The following CNTNAP3B variants were observed in gnomAD, a reference collection of about 807,000 sequenced individuals.
The protein encoded by CNTNAP3B is contactin associated protein family member 3B.
CNTNAP3B carries 25 observed loss-of-function variants against 108.9 expected under a neutral mutation model. That is an observed-to-expected ratio of 0.23 (90% CI 0.17 to 0.32). The LOEUF (loss-of-function observed/expected upper bound fraction) is 0.32, where lower values mean the gene tolerates loss of function less well. Among genes scored for constraint, CNTNAP3B ranks in the 10% least tolerant of loss-of-function variants. The pLI, the probability that CNTNAP3B is intolerant of heterozygous loss-of-function variation, is 1.00. For missense variants in CNTNAP3B, 252 were observed against 1,210.4 expected (o/e 0.21, Z 11.75); for synonymous variants, 103 against 473.4 (o/e 0.22, Z 10.16).
At chr9:41,980,632 T>A (rs1269906905) in intron 9 of CNTNAP3B, 1 of 146,286 alleles carries the variant, frequency 6.8e-6, no homozygotes, top group African/African-American at 2.6e-5. Context: ...CATTCCTTCA[T>A]GAAATGTTGT....
intron 3 of CNTNAP3B, among the ~76,000 whole-genome samples, chr9:42,021,988 A>G (rs1826318253): frequency 8.6e-6 from 1 of 116,034 alleles, no homozygotes; most frequent in East Asian, 2.9e-4. Flanking sequence ...CGTGAGAGAC[A>G]TCTAGTTTAT....
chr9:42,088,824 T>C (rs1827758865), intron 2 of CNTNAP3B, among the ~76,000 whole-genome samples: 1 of 139,534 alleles, frequency 7.2e-6, no homozygotes, highest in African/African-American at 2.8e-5. Flanking sequence ...CTTTGTTGCA[T>C]ATGTAAATTG....
chr9:41,917,013 G>T (rs1308185869), intron 18 of CNTNAP3B, among the ~76,000 whole-genome samples: 1 of 152,158 alleles, frequency 6.6e-6, no homozygotes, highest in African/African-American at 2.4e-5. Flanking sequence ...GATGTGTCTG[G>T]ATATAAACTT....
intron 2 of CNTNAP3B, among the ~76,000 whole-genome samples, chr9:42,079,785 G>C (rs1035303326): frequency 1.4e-5 from 2 of 138,686 alleles, no homozygotes; most frequent in African/African-American, 5.7e-5. Flanking sequence ...CTCCCAAAGT[G>C]CTGGGATTAC....
intron 13 of CNTNAP3B, among the ~76,000 whole-genome samples, chr9:41,939,558 C>A (rs1352602178): frequency 6.6e-6 from 1 of 152,272 alleles, no homozygotes; most frequent in African/African-American, 2.4e-5. Context: ...GGATTAGTAC[C>A]AGGAATCTTT....
intron 18 of CNTNAP3B, among the ~76,000 whole-genome samples, chr9:41,919,254 C>T (rs1220032798): frequency 2.6e-5 from 4 of 152,104 alleles, no homozygotes; most frequent in Non-Finnish European, 5.9e-5. Flanking sequence ...CCTGCCTCAG[C>T]CTCCCGAGTA....
intron 13 of CNTNAP3B, among the ~76,000 whole-genome samples, chr9:41,950,882 T>C (rs1267323584): frequency 6.8e-6 from 1 of 146,262 alleles, no homozygotes; most frequent in African/African-American, 2.5e-5. Flanking sequence ...TGCGTCAGCC[T>C]CCCAAGTAGA....
chr9:41,943,438 C>A (rs1285807357), intron 13 of CNTNAP3B, among the ~76,000 whole-genome samples: 1 of 151,060 alleles, frequency 6.6e-6, no homozygotes, highest in African/African-American at 2.4e-5. Context: ...CTGCAAGCTC[C>A]GCCTCCTGGG....
At chr9:42,100,318 A>G (rs1416057630) in intron 2 of CNTNAP3B, among the ~76,000 whole-genome samples, 1 of 57,076 alleles carries the variant, frequency 1.8e-5, no homozygotes, top group Non-Finnish European at 3.9e-5. Flanking sequence ...CAGACATGTT[A>G]CAGCTACAGA....
intron 3 of CNTNAP3B, among the ~76,000 whole-genome samples, chr9:42,075,972 C>T (rs1001633539): frequency 2.2e-5 from 3 of 134,704 alleles, no homozygotes; most frequent in African/African-American, 8.9e-5. Flanking sequence ...GATTCTCCTA[C>T]CTCAGCCTCC....
chr9:41,961,542 T>C (rs2118209140), intron 11 of CNTNAP3B, among the ~76,000 whole-genome samples: 1 of 152,420 alleles, frequency 6.6e-6, no homozygotes, highest in African/African-American at 2.4e-5. Context: ...AATCTGGTAT[T>C]TTCCCATAAG....
At chr9:41,969,236 G>C (rs1203046504) in intron 10 of CNTNAP3B, among the ~76,000 whole-genome samples, 1 of 151,060 alleles carries the variant, frequency 6.6e-6, no homozygotes, top group Non-Finnish European at 1.5e-5. Flanking sequence ...CAAAATCTTT[G>C]TAAAATTATG....
At chr9:42,063,627 G>T (rs1372020302) in intron 3 of CNTNAP3B, among the ~76,000 whole-genome samples, 1 of 136,132 alleles carries the variant, frequency 7.3e-6, no homozygotes, top group African/African-American at 3.0e-5. Flanking sequence ...AACTTTTTCT[G>T]CCTGCCTTCC....
intron 13 of CNTNAP3B, among the ~76,000 whole-genome samples, chr9:41,942,685 C>T (rs1339646055): frequency 6.6e-6 from 1 of 152,150 alleles, no homozygotes; most frequent in Admixed American, 6.5e-5. Context: ...ACCTTATCAT[C>T]AATCAGATCA....
chr9:42,014,548 T>C (rs1826186447), intron 3 of CNTNAP3B, among the ~76,000 whole-genome samples: 1 of 119,548 alleles, frequency 8.4e-6, no homozygotes, highest in Non-Finnish European at 1.7e-5. Flanking sequence ...CCCAGTACTT[T>C]GGGAGGCCAA....
Position 42,077,678 on chromosome 9 carries a change from G to A in CNTNAP3B, c.197-616C>T, listed in dbSNP as rs1168839479. Among the ~76,000 whole-genome samples, 2 of 126,508 alleles carry A rather than the reference G, an allele frequency of 1.6e-5. 1 individual carries two copies. The highest frequency in any genetic ancestry group is 1.6e-4 in the Admixed American group (2 of 12,386). The allele number at this position is 126,508 out of a possible 152,430, so 83.0% of individuals were successfully genotyped here. A position where few individuals can be genotyped will look rare whatever the true frequency, so the allele number is the denominator to read the frequency against. On this transcript the variant is annotated intron_variant, in intron 2 of 23. Coordinates refer to ENST00000377561, the MANE Select transcript of CNTNAP3B (RefSeq NM_001201380.3). ...AGGTATGGAGTAGCAAATGGTCAAGGTGAGTCCTAAGCAGGTTCTGGTGCA... is the reference window on the plus strand; with the variant it reads ...AGGTATGGAGTAGCAAATGGTCAAGATGAGTCCTAAGCAGGTTCTGGTGCA...
intron 9 of CNTNAP3B, among the ~76,000 whole-genome samples, chr9:41,977,798 T>TC (rs1825549386): frequency 8.1e-6 from 1 of 123,370 alleles, no homozygotes; most frequent in Non-Finnish European, 1.7e-5. Context: ...TTTTTTTTTT[T>TC]TTTTTTGTAT....
chr9:41,954,312 A>T (rs2721427), intron 12 of CNTNAP3B, among the ~76,000 whole-genome samples: 2 of 149,312 alleles, frequency 1.3e-5, no homozygotes, highest in African/African-American at 2.4e-5. Context: ...AGCCCTTCAC[A>T]TCTCAGGATT....
chr9:42,072,362 T>TACAC (rs376052544), intron 3 of CNTNAP3B, among the ~76,000 whole-genome samples: 1 of 84,520 alleles, frequency 1.2e-5, no homozygotes, highest in Non-Finnish European at 2.4e-5. Flanking sequence ...TATATATACA[T>TACAC]ACACACACAC....
Sources: allele counts gnomAD v4.1 joint callset (sites outside exome capture counted in the v4.1 genomes callset), GRCh38; gene constraint gnomAD v4.1.1; transcripts MANE v1.5; gene names NCBI Gene and HGNC (gene_info 2026-07-23, HGNC 2026-07-21).